Variants in SRP19 observed in about 807,000 individuals in gnomAD.
The protein encoded by SRP19 is signal recognition particle 19.
Under a neutral mutation model 22.4 loss-of-function variants are expected in SRP19, and 11 were observed. That is an observed-to-expected ratio of 0.49 (90% confidence interval 0.31 to 0.81). The LOEUF is 0.81. Among genes scored for constraint, SRP19 ranks in the 40% least tolerant of loss-of-function variants. The pLI is 0.05. For synonymous variants in SRP19, 61 were observed against 57.6 expected (o/e 1.06, Z -0.27); for missense variants, 168 against 175.9 (o/e 0.96, Z 0.25).
chr5:112,867,078 C>T (rs998058750), intron 4 of SRP19, among the ~76,000 whole-genome samples: 1 of 152,180 alleles, frequency 6.6e-6, no homozygotes, highest in African/African-American at 2.4e-5. Flanking sequence ...TATTCTGACT[C>T]TGTTTCTACC....
chr5:112,891,079 T>C (rs1420630485), intron 4 of SRP19, among the ~76,000 whole-genome samples: 1 of 150,362 alleles, frequency 6.7e-6, no homozygotes, highest in Non-Finnish European at 1.5e-5. Context: ...TTTATTTTTA[T>C]TTTTTATTTT....
intron 4 of SRP19, among the ~76,000 whole-genome samples, chr5:112,887,370 G>T (rs576724538): frequency 6.6e-6 from 1 of 152,302 alleles, no homozygotes; most frequent in African/African-American, 2.4e-5. Context: ...TGAGTAATGA[G>T]CTGGTAAGGA....
chr5:112,892,008 G>A, exon 5 of SRP19: 1 of 1,287,150 alleles, frequency 7.8e-7, no homozygotes, highest in South Asian at 1.2e-5. Flanking sequence ...AGAGGAAAGA[G>A]AGAGAAGAGG....
At chr5:112,885,828 C>T (rs1768226227) in intron 4 of SRP19, 1 of 202,770 alleles carries the variant, frequency 4.9e-6, no homozygotes, top group Non-Finnish European at 1.1e-5. Context: ...ATCAAGGAAG[C>T]ACCTCTCAGC....
intron 4 of SRP19, among the ~76,000 whole-genome samples, chr5:112,885,951 C>A (rs1022852489): frequency 3.9e-5 from 6 of 152,162 alleles, no homozygotes; most frequent in African/African-American, 1.2e-4. Flanking sequence ...AGCCACTGCC[C>A]GAAGCCATCT....
rs1171034799 is a variant in SRP19, at chr5:112,868,310, A to G, written c.*773A>G. Reference sequence around the variant, plus strand: ...AAAGTAGTGATTTTGAGCTATCCCAATTCCTGTTCTTCCTGAGGCCTGGTT... The same window carrying G: ...AAAGTAGTGATTTTGAGCTATCCCAGTTCCTGTTCTTCCTGAGGCCTGGTT... On this transcript the variant is annotated 3_prime_UTR_variant, in exon 5 of 5. Transcript: ENST00000505459. 6 of 985,636 alleles carry G rather than the reference A, an allele frequency of 6.1e-6. No homozygotes were observed. The highest frequency in any genetic ancestry group is 5.2e-5 in the African/African-American group (3 of 57,238). 61.1% of individuals were successfully genotyped at this position (985,636 alleles called of 1,614,324 possible).
At chr5:112,879,940 T>G (rs1204279472) in intron 4 of SRP19, among the ~76,000 whole-genome samples, 1 of 151,994 alleles carries the variant, frequency 6.6e-6, no homozygotes, top group African/African-American at 2.4e-5. Flanking sequence ...TAAAAAAATT[T>G]TAAAAGCCCA....
intron 4 of SRP19, among the ~76,000 whole-genome samples, chr5:112,865,739 A>G (rs748421046): frequency 6.6e-6 from 1 of 152,052 alleles, no homozygotes; most frequent in Non-Finnish European, 1.5e-5. Context: ...GACTACAGGC[A>G]TGTGCCATCA....
chr5:112,868,195 T>G lies in SRP19; in HGVS notation c.*658T>G. The stretch of plus-strand genomic sequence containing the variant: ...AAGAACATGATTTTCATGGGAGTTG[T>G]AAAATTAACTGTGCTTTAGCACCTT... On this transcript the variant is annotated 3_prime_UTR_variant, in exon 5 of 5. Coordinates refer to ENST00000505459, the MANE Select transcript of SRP19 (RefSeq NM_003135.3). 1 of 985,482 alleles carries G rather than the reference T, an allele frequency of 1.0e-6. No individual in the cohort carries two copies. The highest frequency in any genetic ancestry group is 1.2e-6 in the Non-Finnish European group (1 of 829,942). 61.0% of individuals were successfully genotyped at this position (985,482 alleles called of 1,614,324 possible).
chr5:112,866,778 C>G (rs1465425456), intron 4 of SRP19, among the ~76,000 whole-genome samples: 1 of 152,102 alleles, frequency 6.6e-6, no homozygotes, highest in African/African-American at 2.4e-5. Context: ...AGACCAAAAA[C>G]AAACAAAAAC....
chr5:112,880,805 G>A (rs1005580221), intron 4 of SRP19, among the ~76,000 whole-genome samples: 2 of 152,176 alleles, frequency 1.3e-5, no homozygotes, highest in Non-Finnish European at 2.9e-5. Flanking sequence ...GCTAAGGGAA[G>A]GGAGAAGAAA....
exon 5 of SRP19, chr5:112,892,033 CAGG>C (rs757920678): frequency 6.3e-6 from 9 of 1,420,594 alleles, no homozygotes; most frequent in East Asian, 4.6e-5. Context: ...GCAGAAACAA[CAGG>C]AGAAGAAAGA....
At chr5:112,865,688 G>T (rs1376537975) in intron 4 of SRP19, among the ~76,000 whole-genome samples, 1 of 151,546 alleles carries the variant, frequency 6.6e-6, no homozygotes. Flanking sequence ...CCGACTCCCT[G>T]GTTCAAGCGA....
intron 4 of SRP19, chr5:112,887,223 GA>G (rs771564311): frequency 6.6e-7 from 1 of 1,504,362 alleles, no homozygotes; most frequent in Non-Finnish European, 9.0e-7. Flanking sequence ...CAGGAGGGTG[GA>G]GGGGGCACAT....
At chr5:112,881,872 C>T (rs1372119052) in intron 4 of SRP19, 3 of 152,138 alleles carry the variant, frequency 2.0e-5, no homozygotes, top group African/African-American at 7.2e-5. Context: ...TCAGGTGATC[C>T]TCCCATCTCA....
chr5:112,891,187 C>T (rs1187675727), intron 4 of SRP19, among the ~76,000 whole-genome samples: 1 of 152,064 alleles, frequency 6.6e-6, no homozygotes, highest in Non-Finnish European at 1.5e-5. Flanking sequence ...GTTCTCCTGC[C>T]TCAGCCTCCC....
intron 2 of SRP19, among the ~76,000 whole-genome samples, 181 bp downstream of exon 2, chr5:112,862,764 C>T (rs149333359): frequency 1.3e-5 from 2 of 152,144 alleles, no homozygotes; most frequent in Admixed American, 1.3e-4. Flanking sequence ...GGCATTAATT[C>T]ATAGCTGAAG....
At chr5:112,863,502 C>T (rs351770) in intron 2 of SRP19, among the ~76,000 whole-genome samples, 1 of 151,758 alleles carries the variant, frequency 6.6e-6, no homozygotes, top group Admixed American at 6.6e-5. Context: ...CCCCCATCCC[C>T]TAGTTGTGAC....
chr5:112,889,567 A>G (rs552800029), intron 4 of SRP19, among the ~76,000 whole-genome samples: 17 of 150,828 alleles, frequency 1.1e-4, no homozygotes, highest in Middle Eastern at 3.4e-3. Flanking sequence ...AATTATTTTT[A>G]TAATTATATA....
Sources: allele counts gnomAD v4.1 joint callset (sites outside exome capture counted in the v4.1 genomes callset), GRCh38; gene constraint gnomAD v4.1.1; transcripts MANE v1.5; gene names NCBI Gene and HGNC (gene_info 2026-07-23, HGNC 2026-07-21).